Variants in SYT1 observed in about 807,000 individuals in gnomAD.
SYT1 encodes synaptotagmin 1, also known as synaptotagmin-1.
In SYT1, 8 loss-of-function variants were observed where a neutral mutation model predicts 44.8. The ratio of observed to expected loss-of-function variants is 0.18; its 90% CI spans 0.10 to 0.32. The LOEUF (loss-of-function observed/expected upper bound fraction) is 0.32. Ranked by LOEUF, SYT1 falls within the 10% of genes least tolerant of loss-of-function variation. The pLI is 1.00. For synonymous variants in SYT1, 154 were observed against 188.8 expected (o/e 0.82, Z 1.51); for missense variants, 286 against 509.3 (o/e 0.56, Z 4.22).
At chr12:78,973,452 A>C (rs1194213971) in intron 1 of SYT1, among the ~76,000 whole-genome samples, 1 of 152,164 alleles carries the variant, frequency 6.6e-6, no homozygotes, top group Non-Finnish European at 1.5e-5. Flanking sequence ...GAGGCTTCTC[A>C]AGAAATTAGA....
chr12:79,040,713 A>T (rs1873492890), intron 2 of SYT1, among the ~76,000 whole-genome samples: 1 of 152,144 alleles, frequency 6.6e-6, no homozygotes, highest in Non-Finnish European at 1.5e-5. Context: ...CTATGTACTG[A>T]ATGGTAATGC....
intron 3 of SYT1, among the ~76,000 whole-genome samples, chr12:79,076,026 A>T (rs1876624205): frequency 6.6e-6 from 1 of 152,176 alleles, no homozygotes; most frequent in Non-Finnish European, 1.5e-5. Flanking sequence ...AAATTTTATG[A>T]CATGTCATAA....
At chr12:78,907,449 T>C (rs763312965) in intron 1 of SYT1, among the ~76,000 whole-genome samples, 3 of 151,880 alleles carry the variant, frequency 2.0e-5, no homozygotes, top group Non-Finnish European at 2.9e-5. Context: ...TATTACATAA[T>C]ATATTATATA....
intron 3 of SYT1, among the ~76,000 whole-genome samples, chr12:79,207,427 A>C (rs1310999545): frequency 2.0e-5 from 3 of 152,210 alleles, no homozygotes; most frequent in African/African-American, 7.2e-5. Flanking sequence ...TTTGTTACAT[A>C]GGTAAACGTG....
intron 3 of SYT1, among the ~76,000 whole-genome samples, chr12:79,150,652 T>C (rs1245189158): frequency 6.6e-6 from 1 of 152,066 alleles, no homozygotes; most frequent in African/African-American, 2.4e-5. Flanking sequence ...AAAAACAAGA[T>C]GATAGTCATG....
intron 2 of SYT1, among the ~76,000 whole-genome samples, chr12:79,036,133 C>A (rs191151281): frequency 6.6e-6 from 1 of 151,788 alleles, no homozygotes; most frequent in Admixed American, 6.6e-5. Context: ...ATTTTAAGTA[C>A]CAGCTTATTA....
At chr12:78,876,721 A>ATTTATATATT (rs1874107969) in intron 1 of SYT1, among the ~76,000 whole-genome samples, 1 of 113,390 alleles carries the variant, frequency 8.8e-6, no homozygotes, top group Non-Finnish European at 1.7e-5. Flanking sequence ...TATATTATAT[A>ATTTATATATT]ATATAATTAT....
intron 8 of SYT1, among the ~76,000 whole-genome samples, chr12:79,322,250 GC>G (rs1360142786): frequency 6.6e-6 from 1 of 152,062 alleles, no homozygotes; most frequent in East Asian, 1.9e-4. Context: ...AGAGTTTAAC[GC>G]ATAACTTATT....
chr12:79,360,336 A>G (rs1209762925), intron 9 of SYT1, among the ~76,000 whole-genome samples: 1 of 152,118 alleles, frequency 6.6e-6, no homozygotes, highest in Non-Finnish European at 1.5e-5. Flanking sequence ...CTAAATTATT[A>G]TCTTTTTTTC....
chr12:79,373,933 C>T (rs1051427458), intron 9 of SYT1, among the ~76,000 whole-genome samples: 34 of 152,180 alleles, frequency 2.2e-4, no homozygotes, highest in African/African-American at 8.0e-4. Context: ...TCATTTTAGG[C>T]AACATGCTCA....
At chr12:78,994,577 T>G (rs1429456649) in intron 2 of SYT1, among the ~76,000 whole-genome samples, 2 of 143,150 alleles carry the variant, frequency 1.4e-5, no homozygotes, top group African/African-American at 5.1e-5. Context: ...CACTCTGTCG[T>G]CAGGCTGGAG....
chr12:79,120,020 A>G (rs1879507820), intron 3 of SYT1, among the ~76,000 whole-genome samples: 1 of 152,196 alleles, frequency 6.6e-6, no homozygotes, highest in African/African-American at 2.4e-5. Flanking sequence ...GAGCCAATCA[A>G]GCTTAACATT....
intron 3 of SYT1, among the ~76,000 whole-genome samples, chr12:79,139,794 C>A (rs933330890): frequency 6.6e-6 from 1 of 152,198 alleles, no homozygotes; most frequent in East Asian, 1.9e-4. Context: ...ATTGTCACCA[C>A]TGGATAACCC....
intron 5 of SYT1, among the ~76,000 whole-genome samples, chr12:79,291,544 G>A (rs1879581578): frequency 6.6e-6 from 1 of 152,084 alleles, no homozygotes; most frequent in African/African-American, 2.4e-5. Context: ...CTTTTTCATA[G>A]GAAATAAGGC....
intron 9 of SYT1, among the ~76,000 whole-genome samples, chr12:79,438,835 C>T (rs983748653): frequency 3.3e-5 from 5 of 152,120 alleles, no homozygotes; most frequent in African/African-American, 7.2e-5. Flanking sequence ...GTCATATCCC[C>T]GTAGCTTTAA....
intron 3 of SYT1, among the ~76,000 whole-genome samples, chr12:79,062,011 GC>G (rs1875425712): frequency 6.6e-6 from 1 of 152,152 alleles, no homozygotes; most frequent in South Asian, 2.1e-4. Flanking sequence ...ATGAGCTTAT[GC>G]TAGCTTATTT....
chr12:79,244,114 T>A (rs1592891116), intron 4 of SYT1, among the ~76,000 whole-genome samples: 1 of 152,186 alleles, frequency 6.6e-6, no homozygotes, highest in African/African-American at 2.4e-5. Context: ...CTTGATTCCA[T>A]TCTGGGCACT....
chr12:79,348,219 T>C (rs955394697), intron 8 of SYT1, among the ~76,000 whole-genome samples: 1 of 152,282 alleles, frequency 6.6e-6, no homozygotes, highest in Non-Finnish European at 1.5e-5. Context: ...CTGCCTTTTA[T>C]GTGAGAAGGA....
At chr12:79,403,429 C>T (rs1176860011) in intron 9 of SYT1, among the ~76,000 whole-genome samples, 1 of 152,142 alleles carries the variant, frequency 6.6e-6, no homozygotes, top group Non-Finnish European at 1.5e-5. Flanking sequence ...TGGCAAAATT[C>T]CCTCTTCTTC....
Sources: allele counts gnomAD v4.1 joint callset (sites outside exome capture counted in the v4.1 genomes callset), GRCh38; gene constraint gnomAD v4.1.1; transcripts MANE v1.5; gene names NCBI Gene and HGNC (gene_info 2026-07-23, HGNC 2026-07-21).